Variants in TVP23C observed in about 807,000 individuals in gnomAD.
The protein encoded by TVP23C is Golgi apparatus membrane protein TVP23 homolog C.
TVP23C carries 19 observed loss-of-function variants against 28.7 expected under a neutral mutation model. The observed-to-expected ratio is 0.66, with a 90% confidence interval of 0.46 to 0.97. The LOEUF (loss-of-function observed/expected upper bound fraction) is 0.97, where lower values mean the gene tolerates loss of function less well. TVP23C is among the 50% of genes least tolerant of loss of function. TVP23C has a pLI of 0.00. For missense variants in TVP23C, 186 were observed against 241.3 expected (o/e 0.77, Z 1.52); for synonymous variants, 68 against 81.7 (o/e 0.83, Z 0.90).
chr17:15,544,940 GAA>G (rs1983578243), intron 5 of TVP23C, among the ~76,000 whole-genome samples: 1 of 151,814 alleles, frequency 6.6e-6, no homozygotes, highest in South Asian at 2.1e-4. Context: ...AATATTGTGT[GAA>G]AATTCACACA....
At chr17:15,502,831 T>C (rs1225667548) in exon 6 of TVP23C, 9 of 1,523,030 alleles carry the variant, frequency 5.9e-6, no homozygotes, top group Non-Finnish European at 7.1e-6. Context: ...TCTCTCTCTC[T>C]CCTGCGAGGA....
At chr17:15,507,266 G>A (rs1457791947) in intron 5 of TVP23C, 1 of 743,022 alleles carries the variant, frequency 1.3e-6, no homozygotes, top group African/African-American at 1.7e-5. Flanking sequence ...GAGAAGGCAT[G>A]AATATTGTGA....
At chr17:15,542,198 G>A (rs1983440038) in intron 5 of TVP23C, among the ~76,000 whole-genome samples, 2 of 152,276 alleles carry the variant, frequency 1.3e-5, no homozygotes, top group South Asian at 4.1e-4. Context: ...TTATAGAAAA[G>A]CAAAAGACCC....
chr17:15,536,182 ACT>A (rs1369698962), downstream of TVP23C, among the ~76,000 whole-genome samples: 3 of 151,290 alleles, frequency 2.0e-5, no homozygotes, highest in Admixed American at 6.6e-5. Context: ...AAGAGCAAAA[ACT>A]CTGTTTCAAA....
At chr17:15,548,989 G>A (rs1329467575) in intron 3 of TVP23C, among the ~76,000 whole-genome samples, 1 of 152,174 alleles carries the variant, frequency 6.6e-6, no homozygotes, top group Non-Finnish European at 1.5e-5. Flanking sequence ...TGAAACCGCA[G>A]AAAGCGAAAC....
intron 3 of TVP23C, among the ~76,000 whole-genome samples, chr17:15,548,394 A>G (rs1274366830): frequency 6.6e-5 from 10 of 152,126 alleles, no homozygotes; most frequent in Non-Finnish European, 1.5e-5. Flanking sequence ...TCGAACTCCC[A>G]ACCTCAGTGA....
At chr17:15,503,258 T>C in intron 5 of TVP23C, 2 of 1,459,646 alleles carry the variant, frequency 1.4e-6, no homozygotes, top group Non-Finnish European at 1.8e-6. Flanking sequence ...TAAAAATAAA[T>C]TAGCCAGGTG....
intron 1 of TVP23C, among the ~76,000 whole-genome samples, chr17:15,558,962 C>T (rs1281037536): frequency 6.8e-6 from 1 of 147,456 alleles, no homozygotes; most frequent in African/African-American, 2.4e-5. Flanking sequence ...TACATCTCAG[C>T]CTCCTGAGTA....
intron 5 of TVP23C, among the ~76,000 whole-genome samples, chr17:15,527,529 C>T (rs1454163258): frequency 6.6e-6 from 1 of 152,066 alleles, no homozygotes; most frequent in African/African-American, 2.4e-5. Flanking sequence ...TCCATCTGAG[C>T]AAGTTACCAT....
At position 15,541,903 on chromosome 17, in the gene TVP23C, G is replaced by C. The variant is rs182211617; in HGVS notation, c.463-1342C>G. Reference sequence around the variant, plus strand: ...ACACCTGAATTCAAAGACCAATCACGGGTCCTGCTAAGGCATCGATTTACT... The same window carrying C: ...ACACCTGAATTCAAAGACCAATCACCGGTCCTGCTAAGGCATCGATTTACT... On this transcript the variant is annotated intron_variant, in intron 5 of 5. Coordinates refer to ENST00000518321, the MANE Select transcript of TVP23C (RefSeq NM_001135036.2). Among the ~76,000 whole-genome samples, 94 of 152,214 alleles carry C rather than the reference G, an allele frequency of 6.2e-4. 1 individual carries two copies. The East Asian group carries it at 0.016, about 26-fold the overall frequency.
At chr17:15,549,504 C>T (rs986156556) in intron 3 of TVP23C, among the ~76,000 whole-genome samples, 6 of 151,944 alleles carry the variant, frequency 3.9e-5, no homozygotes, top group African/African-American at 1.2e-4. Context: ...CATAGTGAAA[C>T]CCTGCCTCTA....
At position 15,509,462 on chromosome 17, in the gene TVP23C, C is replaced by A. The variant is rs1981910498; in HGVS notation, c.463-6230G>T. 2.6e-5 allele frequency among the ~76,000 whole-genome samples: 4 copies of A among 152,244 alleles called. No individual in the cohort carries two copies. In the South Asian group the frequency reaches 8.3e-4, roughly 32 times the overall value. On this transcript the variant is annotated intron_variant, in intron 5 of 5. Transcript: ENST00000225576. ...TATCAGCGCTGACCGCACCTTCTTT[C>A]CAAGTGGTGGTTCCTACCAGCTGCA...
At chr17:15,514,499 T>A (rs559183159) in intron 5 of TVP23C, among the ~76,000 whole-genome samples, 2 of 152,068 alleles carry the variant, frequency 1.3e-5, no homozygotes, top group East Asian at 3.9e-4. Context: ...CTTTTAAGAA[T>A]GACAAAAAGG....
At chr17:15,527,631 G>A (rs1036594584) in intron 5 of TVP23C, among the ~76,000 whole-genome samples, 1 of 152,074 alleles carries the variant, frequency 6.6e-6, no homozygotes, top group African/African-American at 2.4e-5. Context: ...ACCTCAAGAG[G>A]GTAAGTATTT....
intron 1 of TVP23C, among the ~76,000 whole-genome samples, chr17:15,556,020 G>A (rs1486289507): frequency 6.6e-6 from 1 of 152,272 alleles, no homozygotes; most frequent in Admixed American, 6.5e-5. Flanking sequence ...GGGTTCAAAC[G>A]ATTCTCCTGC....
intron 3 of TVP23C, among the ~76,000 whole-genome samples, chr17:15,551,615 A>G (rs1983893226): frequency 6.6e-6 from 1 of 152,110 alleles, no homozygotes; most frequent in Non-Finnish European, 1.5e-5. Flanking sequence ...TGCCCAGGAC[A>G]GCTTTGAATG....
intron 1 of TVP23C, among the ~76,000 whole-genome samples, chr17:15,556,785 A>G (rs1984154072): frequency 6.6e-6 from 1 of 151,974 alleles, no homozygotes; most frequent in Non-Finnish European, 1.5e-5. Context: ...TCTCTATTCC[A>G]GCCTCTCCTT....
At position 15,503,312 on chromosome 17, in the gene TVP23C, G is replaced by C; in HGVS notation, c.463-80C>G. On this transcript the variant is annotated intron_variant, in intron 5 of 5. Transcript: ENST00000225576. ...TCCAGCTACTTGACAGGCCGAGATG[G>C]GAGGATCGCTTCAGCCCAGGAAGTC... The C allele has an allele frequency of 1.4e-6, 2 of 1,426,872 alleles. 1 individual carries two copies. Among genetic ancestry groups the C allele is most frequent in the Non-Finnish European group, 1.8e-6 (2 of 1,091,890 alleles). The allele number at this position is 1,426,872 out of a possible 1,614,324, so 88.4% of individuals were successfully genotyped here. A position where few individuals can be genotyped will look rare whatever the true frequency, so the allele number is the denominator to read the frequency against.
At chr17:15,542,621 T>C (rs1379828833) in intron 5 of TVP23C, among the ~76,000 whole-genome samples, 7 of 151,968 alleles carry the variant, frequency 4.6e-5, no homozygotes, top group South Asian at 2.1e-4. Context: ...GGACTACAGG[T>C]GCCTGCCACC....
Sources: allele counts gnomAD v4.1 joint callset (sites outside exome capture counted in the v4.1 genomes callset), GRCh38; gene constraint gnomAD v4.1.1; transcripts MANE v1.5; gene names NCBI Gene and HGNC (gene_info 2026-07-23, HGNC 2026-07-21).